The following LUZP2 variants were observed in gnomAD, a reference collection of about 807,000 sequenced individuals.
The protein encoded by LUZP2 is leucine zipper protein 2.
In LUZP2, 52 loss-of-function variants were observed where a neutral mutation model predicts 51.6. That is an observed-to-expected ratio of 1.01 (90% CI 0.81 to 1.27). The LOEUF (loss-of-function observed/expected upper bound fraction) is 1.27. Ranked by LOEUF, LUZP2 falls within the 50% of genes most tolerant of loss-of-function variation. The pLI is 0.00. For missense variants in LUZP2, 436 were observed against 395.4 expected, an observed-to-expected ratio of 1.10 and a Z score of -0.87; for synonymous variants, 154 against 137.3, an observed-to-expected ratio of 1.12 and a Z score of -0.85.
At chr11:24,657,340 T>C (rs976128155) in intron 1 of LUZP2, among the ~76,000 whole-genome samples, 10 of 152,170 alleles carry the variant, frequency 6.6e-5, no homozygotes, top group Admixed American at 1.3e-4. Flanking sequence ...ACTGAGAAAC[T>C]GAGTAAATAG....
intron 10 of LUZP2, among the ~76,000 whole-genome samples, chr11:25,057,748 C>T (rs902664776): frequency 2.0e-5 from 3 of 152,012 alleles, no homozygotes; most frequent in East Asian, 3.9e-4. Flanking sequence ...TGTTTAGCAC[C>T]GGGAGCACTA....
intron 9 of LUZP2, among the ~76,000 whole-genome samples, chr11:25,048,603 A>G (rs912165422): frequency 2.0e-5 from 3 of 152,194 alleles, no homozygotes; most frequent in Non-Finnish European, 2.9e-5. Context: ...TAAATTTAAT[A>G]GGATTAGAAA....
chr11:24,803,319 T>C (rs2716466), intron 5 of LUZP2, among the ~76,000 whole-genome samples: 149,712 of 152,110 alleles, frequency 0.98, 73,712 homozygotes, highest in Non-Finnish European at 1. Context: ...ACTTCATACG[T>C]CTTAGCCATC....
At chr11:24,607,341 CTTTTTTTTTTT>C (rs57741208) in intron 1 of LUZP2, among the ~76,000 whole-genome samples, 1,830 of 63,406 alleles carry the variant, frequency 0.029, 22 homozygotes, top group South Asian at 0.069. Context: ...GATATTATGT[CTTTTTTTTTTT>C]TTTTTTTTTT....
intron 1 of LUZP2, among the ~76,000 whole-genome samples, chr11:24,648,405 G>A (rs941482652): frequency 2.6e-5 from 4 of 151,664 alleles, no homozygotes; most frequent in African/African-American, 7.3e-5. Flanking sequence ...ACATATTTAG[G>A]GAATTTGTTG....
At chr11:24,925,857 C>A (rs984980050) in intron 7 of LUZP2, among the ~76,000 whole-genome samples, 2 of 152,130 alleles carry the variant, frequency 1.3e-5, no homozygotes, top group Non-Finnish European at 2.9e-5. Flanking sequence ...GCAGAGTACA[C>A]TGTACCCAAT....
At chr11:24,856,729 G>A (rs1010909466) in intron 5 of LUZP2, among the ~76,000 whole-genome samples, 26 of 152,070 alleles carry the variant, frequency 1.7e-4, no homozygotes, top group African/African-American at 6.3e-4. Context: ...TACACACAAT[G>A]GAATACATAA....
At chr11:25,058,624 A>C (rs1437119912) in intron 10 of LUZP2, among the ~76,000 whole-genome samples, 1 of 152,174 alleles carries the variant, frequency 6.6e-6, no homozygotes, top group Non-Finnish European at 1.5e-5. Flanking sequence ...TTAGATAATA[A>C]GTAATTTGAG....
chr11:24,897,913 C>T (rs368921967), intron 5 of LUZP2, among the ~76,000 whole-genome samples: 8 of 151,938 alleles, frequency 5.3e-5, no homozygotes, highest in East Asian at 1.9e-4. Context: ...TGGATTCCTA[C>T]GCTTTCTGGA....
chr11:24,906,660 CAATGAAATAGG>C (rs936872042), intron 6 of LUZP2, among the ~76,000 whole-genome samples: 49 of 152,038 alleles, frequency 3.2e-4, no homozygotes, highest in Non-Finnish European at 4.4e-5. Flanking sequence ...TTAGTAATAT[CAATGAAATAGG>C]AATGATACTG....
At chr11:24,652,815 T>G (rs1237703313) in intron 1 of LUZP2, among the ~76,000 whole-genome samples, 1 of 152,186 alleles carries the variant, frequency 6.6e-6, no homozygotes, top group Non-Finnish European at 1.5e-5. Context: ...ACAGTTTTTA[T>G]GCCTGCCACA....
At chr11:24,940,757 C>A (rs1293639991) in intron 7 of LUZP2, among the ~76,000 whole-genome samples, 3 of 152,078 alleles carry the variant, frequency 2.0e-5, no homozygotes, top group African/African-American at 4.8e-5. Context: ...TCTAATAGAA[C>A]CTTGAATTCA....
intron 5 of LUZP2, among the ~76,000 whole-genome samples, chr11:24,877,928 A>G (rs1852325258): frequency 6.6e-6 from 1 of 152,126 alleles, no homozygotes; most frequent in Non-Finnish European, 1.5e-5. Flanking sequence ...GTTGCTGTAA[A>G]TAACAGGATC....
chr11:24,761,891 A>C (rs1403448560), intron 4 of LUZP2, among the ~76,000 whole-genome samples: 1 of 152,066 alleles, frequency 6.6e-6, no homozygotes, highest in Non-Finnish European at 1.5e-5. Flanking sequence ...AAAATGTATA[A>C]AAATATGCAT....
chr11:24,825,689 AT>A (rs1370300384), intron 5 of LUZP2, among the ~76,000 whole-genome samples: 6 of 152,022 alleles, frequency 3.9e-5, no homozygotes, highest in Non-Finnish European at 5.9e-5. Flanking sequence ...ATGCTCATGA[AT>A]TTTAAAATAT....
rs377432024 is a variant in LUZP2 at position 24,887,069 on chromosome 11, G to C, written c.397-18922G>C. 7.2e-5 allele frequency among the ~76,000 whole-genome samples: 11 copies of C among 152,240 alleles called. No homozygotes were observed. The East Asian group carries it at 1.7e-3, about 24-fold the overall frequency. On this transcript the variant is annotated intron_variant, in intron 5 of 11. Transcript: ENST00000336930. ...GGTTATACTAGCAGGTGCCCTGTTG[G>C]CTCTTGTCTGACCTGTTTATGCCTG...
chr11:24,885,458 T>G (rs1482016046), intron 5 of LUZP2, among the ~76,000 whole-genome samples: 1 of 152,086 alleles, frequency 6.6e-6, no homozygotes, highest in Non-Finnish European at 1.5e-5. Context: ...GTGTTGAAAG[T>G]CATAGAGATT....
chr11:24,739,641 T>C (rs1859063008), intron 4 of LUZP2, among the ~76,000 whole-genome samples: 1 of 152,076 alleles, frequency 6.6e-6, no homozygotes, highest in Non-Finnish European at 1.5e-5. Context: ...AATCCTAGGC[T>C]CTCTAAACAC....
intron 1 of LUZP2, among the ~76,000 whole-genome samples, chr11:24,615,655 T>C (rs901784722): frequency 6.6e-6 from 1 of 151,988 alleles, no homozygotes; most frequent in African/African-American, 2.4e-5. Flanking sequence ...TTATTTGGGA[T>C]AGATGCCCAG....
Sources: allele counts gnomAD v4.1 joint callset (sites outside exome capture counted in the v4.1 genomes callset), GRCh38; gene constraint gnomAD v4.1.1; transcripts MANE v1.5; gene names NCBI Gene and HGNC (gene_info 2026-07-23, HGNC 2026-07-21).